FNDC3B: variants seen among roughly 807,000 people sequenced by gnomAD.
The protein encoded by FNDC3B is fibronectin type III domain containing 3B.
In FNDC3B, 12 loss-of-function variants were observed where a neutral mutation model predicts 151.5. The ratio of observed to expected loss-of-function variants is 0.08; its 90% CI spans 0.05 to 0.13. FNDC3B has a LOEUF of 0.13. Ranked by LOEUF, FNDC3B falls within the 10% of genes least tolerant of loss-of-function variation. The pLI is 1.00. For synonymous variants in FNDC3B, 528 were observed against 549.0 expected (o/e 0.96, Z 0.54); for missense variants, 1,214 against 1,505.3 (o/e 0.81, Z 3.20).
At chr3:172,074,351 C>T (rs758387425) in intron 1 of FNDC3B, among the ~76,000 whole-genome samples, 4 of 152,230 alleles carry the variant, frequency 2.6e-5, no homozygotes, top group Non-Finnish European at 5.9e-5. Flanking sequence ...AACATCAAAT[C>T]AGCCTGTACA....
chr3:172,372,126 A>C (rs1413488412), intron 23 of FNDC3B, among the ~76,000 whole-genome samples: 3 of 152,188 alleles, frequency 2.0e-5, no homozygotes, highest in Non-Finnish European at 2.9e-5. Context: ...GTTGAGCCTG[A>C]ACTCAGACCC....
At chr3:172,127,124 T>C in intron 2 of FNDC3B, 1 of 454,768 alleles carries the variant, frequency 2.2e-6, no homozygotes, top group Non-Finnish European at 4.4e-6. Context: ...AAAAAATTTT[T>C]CTTGAGACTG....
chr3:172,249,897 T>C (rs1035562678), intron 5 of FNDC3B, among the ~76,000 whole-genome samples: 5 of 152,220 alleles, frequency 3.3e-5, no homozygotes, highest in African/African-American at 4.8e-5. Flanking sequence ...TGTTAAATTA[T>C]GCAGGGTAAC....
intron 3 of FNDC3B, among the ~76,000 whole-genome samples, chr3:172,147,336 A>T (rs1189867725): frequency 6.6e-6 from 1 of 150,440 alleles, no homozygotes; most frequent in Admixed American, 6.6e-5. Context: ...GTGAGGTGAG[A>T]AAATAACCAT....
At chr3:172,122,300 C>G (rs1487471536) in intron 2 of FNDC3B, among the ~76,000 whole-genome samples, 1 of 151,540 alleles carries the variant, frequency 6.6e-6, no homozygotes, top group Non-Finnish European at 1.5e-5. Context: ...TTTTCTCTCT[C>G]CTACATTTCC....
chr3:172,371,913 G>A (rs1002299019), intron 23 of FNDC3B, among the ~76,000 whole-genome samples: 3 of 152,110 alleles, frequency 2.0e-5, no homozygotes, highest in East Asian at 1.9e-4. Flanking sequence ...AATAATACTC[G>A]TGTTAGAAAC....
At chr3:172,227,549 G>A (rs139037021) in intron 4 of FNDC3B, among the ~76,000 whole-genome samples, 11 of 152,326 alleles carry the variant, frequency 7.2e-5, no homozygotes, top group Admixed American at 3.3e-4. Flanking sequence ...GTTCCTGTAC[G>A]TGAATAAAGC....
intron 1 of FNDC3B, among the ~76,000 whole-genome samples, chr3:172,045,537 G>A (rs1197963696): frequency 1.3e-5 from 2 of 152,196 alleles, no homozygotes; most frequent in Non-Finnish European, 2.9e-5. Context: ...AATTACAGCT[G>A]AGAATGGAAA....
At chr3:172,326,996 A>T (rs1201586953) in intron 11 of FNDC3B, among the ~76,000 whole-genome samples, 1 of 152,198 alleles carries the variant, frequency 6.6e-6, no homozygotes, top group Non-Finnish European at 1.5e-5. Context: ...GGAGGAAAGA[A>T]GGTAGATCAT....
intron 3 of FNDC3B, among the ~76,000 whole-genome samples, chr3:172,200,190 C>G (rs1033627483): frequency 2.0e-5 from 3 of 152,210 alleles, no homozygotes; most frequent in Admixed American, 2.0e-4. Flanking sequence ...TTTAGACACA[C>G]CAGTGCACCT....
At chr3:172,045,792 C>A (rs34819295) in intron 1 of FNDC3B, among the ~76,000 whole-genome samples, 78,838 of 135,912 alleles carry the variant, frequency 0.58, 21,111 homozygotes, top group Middle Eastern at 0.71. Flanking sequence ...CTCTCTCTCT[C>A]TCTATATATA....
chr3:172,389,591 G>C (rs551173189), intron 25 of FNDC3B, among the ~76,000 whole-genome samples: 1 of 152,084 alleles, frequency 6.6e-6, no homozygotes, highest in South Asian at 2.1e-4. Flanking sequence ...CGTGTGGGGG[G>C]GTGGCTCACG....
intron 3 of FNDC3B, among the ~76,000 whole-genome samples, chr3:172,170,929 A>G (rs1723248491): frequency 6.6e-6 from 1 of 152,202 alleles, no homozygotes; most frequent in African/African-American, 2.4e-5. Context: ...CTAATGTTAA[A>G]TGTCTTCTCT....
intron 2 of FNDC3B, among the ~76,000 whole-genome samples, chr3:172,118,795 T>C (rs567736174): frequency 6.6e-6 from 1 of 152,286 alleles, no homozygotes; most frequent in East Asian, 1.9e-4. Context: ...CGTTCATGCT[T>C]CCTCTACCAC....
At chr3:172,239,809 A>T (rs1365213837) in intron 4 of FNDC3B, among the ~76,000 whole-genome samples, 1 of 148,394 alleles carries the variant, frequency 6.7e-6, no homozygotes, top group African/African-American at 2.5e-5. Context: ...GCAAATAACA[A>T]CAACCCTCAA....
Position 172,244,641 on chromosome 3 carries a change from T to C in FNDC3B, c.265-2892T>C, listed in dbSNP as rs866654263. Among the ~76,000 whole-genome samples, 44 of 133,794 alleles carry C rather than the reference T, an allele frequency of 3.3e-4. No individual in the cohort carries two copies. The Middle Eastern group carries it at 0.014, about 44-fold the overall frequency. The allele number at this position is 133,794 out of a possible 152,430, so 87.8% of individuals were successfully genotyped here. On this transcript the variant is annotated intron_variant, in intron 4 of 25. Coordinates refer to ENST00000415807, the MANE Select transcript of FNDC3B (RefSeq NM_022763.4). The stretch of plus-strand genomic sequence containing the variant: ...CCTTTTTTTTTTTTTTTTTTTTTTT[T>C]TGAGTCGGCGTCTCCGTCTGTCACC...
chr3:172,063,852 C>G (rs552277569), intron 1 of FNDC3B, among the ~76,000 whole-genome samples: 3 of 152,238 alleles, frequency 2.0e-5, no homozygotes, highest in Non-Finnish European at 4.4e-5. Flanking sequence ...GTTTGTGTCT[C>G]TCTCCCCTCA....
intron 1 of FNDC3B, among the ~76,000 whole-genome samples, chr3:172,079,580 T>G (rs1470091240): frequency 1.3e-5 from 2 of 152,234 alleles, no homozygotes; most frequent in East Asian, 3.8e-4. Flanking sequence ...GAGGTCTTAC[T>G]TTAGCACTGG....
chr3:172,388,707 T>C (rs907412933), intron 25 of FNDC3B, among the ~76,000 whole-genome samples: 1 of 152,200 alleles, frequency 6.6e-6, no homozygotes, highest in South Asian at 2.1e-4. Flanking sequence ...CGTGGCCATG[T>C]CTGGACACCA....
Sources: gnomAD v4.1 joint callset for allele counts (sites outside exome capture counted in the v4.1 genomes callset) on GRCh38, gnomAD v4.1.1 for gene constraint, MANE v1.5 for transcripts, NCBI Gene and HGNC (gene_info 2026-07-23, HGNC 2026-07-21) for gene names.